The following SEMA3E variants were observed in gnomAD, a reference collection of about 807,000 sequenced individuals.
SEMA3E encodes the protein semaphorin 3E, also known as semaphorin-3E.
SEMA3E carries 49 observed loss-of-function variants against 93.6 expected under a neutral mutation model. That is an observed-to-expected ratio of 0.52 (90% confidence interval 0.42 to 0.66). SEMA3E has a LOEUF of 0.66. Ranked by LOEUF, SEMA3E falls within the 30% of genes least tolerant of loss-of-function variation. The probability of loss-of-function intolerance (pLI) is 0.00; values close to 1 mark genes in which losing one functional copy is unlikely to be tolerated. For synonymous variants in SEMA3E, 363 were observed against 330.7 expected (o/e 1.10, Z -1.06); for missense variants, 906 against 964.8 (o/e 0.94, Z 0.81).
chr7:83,625,242 T>A (rs1189976687), intron 1 of SEMA3E, among the ~76,000 whole-genome samples: 3 of 152,206 alleles, frequency 2.0e-5, no homozygotes, highest in African/African-American at 7.2e-5. Context: ...TTAAAATAGC[T>A]TTTTCTAATT....
Position 83,474,354 on chromosome 7 carries a change from T to G in SEMA3E, c.277-5052A>C, listed in dbSNP as rs188481937. ...TTATCATAGAAACAAGCACTCTATG[T>G]TTTGAATTATAGGTATAAAATATTA... On this transcript the variant is annotated intron_variant, in intron 2 of 16. Coordinates refer to ENST00000643230, the MANE Select transcript of SEMA3E (RefSeq NM_012431.3). Among the ~76,000 whole-genome samples, 426 of 152,216 alleles carry G rather than the reference T, an allele frequency of 2.8e-3. 3 individuals are homozygous for G. The highest frequency in any genetic ancestry group is 9.3e-3 in the African/African-American group (388 of 41,540).
chr7:83,477,674 GCC>G (rs1790044479), intron 2 of SEMA3E, among the ~76,000 whole-genome samples: 1 of 151,946 alleles, frequency 6.6e-6, no homozygotes, highest in African/African-American at 2.4e-5. Context: ...CTGATGCATG[GCC>G]TTTTGTATGG....
At chr7:83,475,329 G>A (rs915122485) in intron 2 of SEMA3E, among the ~76,000 whole-genome samples, 2 of 152,008 alleles carry the variant, frequency 1.3e-5, no homozygotes, top group African/African-American at 2.4e-5. Flanking sequence ...TCTCCATAGC[G>A]TTTTTATACA....
At chr7:83,542,867 A>G (rs978878702) in intron 1 of SEMA3E, among the ~76,000 whole-genome samples, 1 of 152,126 alleles carries the variant, frequency 6.6e-6, no homozygotes, top group Non-Finnish European at 1.5e-5. Context: ...AGATCTTGAA[A>G]AACTTTTTAA....
chr7:83,395,032 G>A (rs1028059512), intron 12 of SEMA3E, among the ~76,000 whole-genome samples: 2 of 152,156 alleles, frequency 1.3e-5, no homozygotes, highest in African/African-American at 4.8e-5. Flanking sequence ...CCTTTGAAAA[G>A]CTGTTTGTTA....
chr7:83,558,916 G>A (rs1791972513), intron 1 of SEMA3E, among the ~76,000 whole-genome samples: 1 of 151,990 alleles, frequency 6.6e-6, no homozygotes, highest in Non-Finnish European at 1.5e-5. Flanking sequence ...TTCCCTAAAT[G>A]GCTAACTCTA....
Position 83,512,160 on chromosome 7 carries a change from T to C in SEMA3E, c.116-21886A>G, listed in dbSNP as rs138585880. 2.8e-4 allele frequency among the ~76,000 whole-genome samples: 42 copies of C among 152,312 alleles called. No individual in the cohort carries two copies. In the East Asian group the frequency reaches 7.7e-3, roughly 28 times the overall value. On this transcript the variant is annotated intron_variant, in intron 1 of 16. Coordinates refer to ENST00000643230, the MANE Select transcript of SEMA3E (RefSeq NM_012431.3). ...AAATGGTTTTATTTCACTGAAAAGGTAATCCAGGTGGCTGATTTCCTCCAC... is the reference window on the plus strand; with the variant it reads ...AAATGGTTTTATTTCACTGAAAAGGCAATCCAGGTGGCTGATTTCCTCCAC...
intron 1 of SEMA3E, among the ~76,000 whole-genome samples, chr7:83,580,979 G>T (rs544701860): frequency 6.6e-6 from 1 of 151,730 alleles, no homozygotes; most frequent in African/African-American, 2.4e-5. Context: ...GATGAACTAG[G>T]ACTTTAAAAA....
At chr7:83,477,676 C>CATAAAA (rs1790044577) in intron 2 of SEMA3E, among the ~76,000 whole-genome samples, 1 of 151,918 alleles carries the variant, frequency 6.6e-6, no homozygotes, top group African/African-American at 2.4e-5. Flanking sequence ...GATGCATGGC[C>CATAAAA]TTTTGTATGG....
At chr7:83,461,746 C>T (rs1584264054) in intron 4 of SEMA3E, among the ~76,000 whole-genome samples, 1 of 152,116 alleles carries the variant, frequency 6.6e-6, no homozygotes, top group Admixed American at 6.5e-5. Flanking sequence ...AAATTAAATT[C>T]CGGCCCTCAA....
At chr7:83,463,338 G>A (rs1789673556) in intron 4 of SEMA3E, among the ~76,000 whole-genome samples, 3 of 152,072 alleles carry the variant, frequency 2.0e-5, no homozygotes, top group Admixed American at 6.5e-5. Context: ...AATACTTTTA[G>A]AGGCCCTCAA....
At chr7:83,398,186 T>C (rs1017874846) in intron 11 of SEMA3E, among the ~76,000 whole-genome samples, 1 of 152,150 alleles carries the variant, frequency 6.6e-6, no homozygotes, top group Non-Finnish European at 1.5e-5. Flanking sequence ...AGCACAAATA[T>C]ATGCTTGATA....
intron 16 of SEMA3E, among the ~76,000 whole-genome samples, chr7:83,368,607 C>T (rs1225055608): frequency 6.6e-6 from 1 of 152,126 alleles, no homozygotes; most frequent in Non-Finnish European, 1.5e-5. Flanking sequence ...CTTACATTTT[C>T]ATAGGCTGTC....
intron 1 of SEMA3E, among the ~76,000 whole-genome samples, chr7:83,555,422 A>G (rs1283885791): frequency 6.6e-6 from 1 of 152,214 alleles, no homozygotes; most frequent in Non-Finnish European, 1.5e-5. Context: ...GGTAGAAGTC[A>G]CAGCATTTAA....
At chr7:83,593,129 G>C (rs1446596843) in intron 1 of SEMA3E, among the ~76,000 whole-genome samples, 1 of 151,950 alleles carries the variant, frequency 6.6e-6, no homozygotes, top group Non-Finnish European at 1.5e-5. Flanking sequence ...ATAAACTTTA[G>C]TTACTAGCTA....
chr7:83,517,517 G>A (rs181551600), intron 1 of SEMA3E, among the ~76,000 whole-genome samples: 6 of 152,256 alleles, frequency 3.9e-5, no homozygotes, highest in African/African-American at 1.2e-4. Context: ...TAAAGAATTT[G>A]CAATGCATTA....
chr7:83,640,134 T>C (rs1434115954), intron 1 of SEMA3E, among the ~76,000 whole-genome samples: 1 of 151,942 alleles, frequency 6.6e-6, no homozygotes, highest in Non-Finnish European at 1.5e-5. Flanking sequence ...ACCTCTGTTT[T>C]CACCCTCTTT....
intron 1 of SEMA3E, among the ~76,000 whole-genome samples, chr7:83,512,907 T>G (rs929576705): frequency 6.6e-6 from 1 of 152,202 alleles, no homozygotes; most frequent in African/African-American, 2.4e-5. Flanking sequence ...GGAAAGCATT[T>G]TACTCAGGTT....
chr7:83,559,571 A>G (rs1479123291), intron 1 of SEMA3E, among the ~76,000 whole-genome samples: 1 of 151,946 alleles, frequency 6.6e-6, no homozygotes, highest in Non-Finnish European at 1.5e-5. Context: ...TGACAATATC[A>G]AATGCTGGTG....
Sources: gnomAD v4.1 joint callset for allele counts (sites outside exome capture counted in the v4.1 genomes callset) on GRCh38, gnomAD v4.1.1 for gene constraint, MANE v1.5 for transcripts, NCBI Gene and HGNC (gene_info 2026-07-23, HGNC 2026-07-21) for gene names.